Variants in VPS53 observed in about 807,000 individuals in gnomAD.
The protein encoded by VPS53 is VPS53 subunit of GARP complex.
In VPS53, 70 loss-of-function variants were observed where a neutral mutation model predicts 107.0. The observed-to-expected ratio is 0.65, with a 90% CI of 0.54 to 0.80. The LOEUF (loss-of-function observed/expected upper bound fraction) is 0.80, where lower values mean the gene tolerates loss of function less well. Ranked by LOEUF, VPS53 falls within the 30% of genes least tolerant of loss-of-function variation. VPS53 has a pLI of 0.00. For synonymous variants in VPS53, 409 were observed against 393.3 expected, an observed-to-expected ratio of 1.04 and a Z score of -0.47; for missense variants, 917 against 1,049.4, an observed-to-expected ratio of 0.87 and a Z score of 1.74.
At chr17:714,455 C>T in intron 1 of VPS53, 168 bp downstream of exon 1, 1 of 627,342 alleles carries the variant, frequency 1.6e-6, no homozygotes, top group South Asian at 1.9e-5. Context: ...CTTTCCTTTC[C>T]TTCTGATTCA....
At chr17:596,273 A>G (rs1423752386) in intron 12 of VPS53, among the ~76,000 whole-genome samples, 1 of 152,202 alleles carries the variant, frequency 6.6e-6, no homozygotes, top group East Asian at 1.9e-4. Flanking sequence ...TGTTGGAGTA[A>G]GTGTGAAGAG....
rs1005372534 is a variant in VPS53 at position 519,240 on chromosome 17, G to A, written c.2387C>T (p.Ala796Val). ...MLELLRQRLP[A>V]PPSGAESSGS... is the part of the protein sequence containing the mutation. Reference sequence around the variant, plus strand: ...GGAGCTTTCTGCCCCCGAGGGCGGTGCGGGGAGCCGCTGGCGCAGGAGTTC... The same window carrying A: ...GGAGCTTTCTGCCCCCGAGGGCGGTACGGGGAGCCGCTGGCGCAGGAGTTC... Residue 796 changes from alanine (A) to valine (V), a missense_variant, in exon 22 of 22, where the codon GCA (alanine) becomes GTA (valine). Physicochemically the swap from Ala to Val is moderately conservative, Grantham distance 64. Transcript: ENST00000437048. This position sits in a 1 kb window ranked among gnomAD's most constrained non-coding sequence, Gnocchi z 5.0. 2 of 1,545,062 alleles carry A rather than the reference G, an allele frequency of 1.3e-6. No individual in the cohort carries two copies. Among genetic ancestry groups the A allele is most frequent in the Non-Finnish European group, 1.7e-6 (2 of 1,144,544 alleles).
intron 12 of VPS53, among the ~76,000 whole-genome samples, chr17:600,307 G>GCTCTGC (rs1968269338): frequency 6.6e-6 from 1 of 152,206 alleles, no homozygotes; most frequent in Non-Finnish European, 1.5e-5. Flanking sequence ...GCATTCGTGA[G>GCTCTGC]ACATCAGGGC....
intron 4 of VPS53, among the ~76,000 whole-genome samples, chr17:678,487 TAC>T (rs1972252217): frequency 6.6e-6 from 1 of 151,662 alleles, no homozygotes; most frequent in South Asian, 2.1e-4. Context: ...TTTTTTTTGA[TAC>T]AGAGTCTCGC....
chr17:524,673 G>A lies in VPS53; in HGVS notation c.2086-2935C>T, dbSNP rs62053126. 6.9e-3 allele frequency among the ~76,000 whole-genome samples: 1,045 copies of A among 152,326 alleles called. 5 individuals are homozygous for A. The highest frequency in any genetic ancestry group is 9.9e-3 in the Non-Finnish European group (671 of 68,026). The stretch of plus-strand genomic sequence containing the variant: ...GGAAATGCAAATTAAAACCACAGAT[G>A]TACACCATAATACATCCATCAGAGT... On this transcript the variant is annotated intron_variant, in intron 19 of 21. Coordinates refer to ENST00000437048, the MANE Select transcript of VPS53 (RefSeq NM_001128159.3). The surrounding 1 kb of genome is among the most constrained non-coding windows in gnomAD (Gnocchi z 4.5).
At chr17:685,644 G>A (rs542018847) in intron 4 of VPS53, among the ~76,000 whole-genome samples, 61 of 152,128 alleles carry the variant, frequency 4.0e-4, no homozygotes, top group African/African-American at 9.4e-4. Context: ...TTCAACTTAC[G>A]ATGGGTTTAT....
At chr17:709,501 T>C (rs541065539) in intron 2 of VPS53, among the ~76,000 whole-genome samples, 2 of 152,318 alleles carry the variant, frequency 1.3e-5, no homozygotes, top group East Asian at 3.9e-4. Context: ...TGATTTTCCT[T>C]GGAAGAACTG....
chr17:618,476 G>A (rs531036864), intron 11 of VPS53, among the ~76,000 whole-genome samples: 16 of 149,480 alleles, frequency 1.1e-4, no homozygotes, highest in Non-Finnish European at 1.9e-4. Flanking sequence ...AATATTTCCC[G>A]GGTAGCTGGG....
chr17:672,010 G>A (rs1017262333), intron 4 of VPS53, among the ~76,000 whole-genome samples: 10 of 151,670 alleles, frequency 6.6e-5, no homozygotes, highest in East Asian at 5.8e-4. Flanking sequence ...TTTGTCTTTC[G>A]CGGGTGGTAG....
intron 17 of VPS53, among the ~76,000 whole-genome samples, chr17:547,672 C>G (rs1267829403): frequency 6.6e-6 from 1 of 152,172 alleles, no homozygotes; most frequent in Non-Finnish European, 1.5e-5. Context: ...GAGTCTCACT[C>G]TGTCACCCAG....
intron 15 of VPS53, 112 bp from the exon 16 acceptor site, chr17:553,574 C>CT (rs35437010): frequency 0.067 from 36,552 of 542,152 alleles, 1 homozygote; most frequent in East Asian, 0.081. Context: ...ATTCCATACA[C>CT]TTTTTTTTTT....
chr17:679,289 G>A (rs962536712), intron 4 of VPS53, among the ~76,000 whole-genome samples: 3 of 152,016 alleles, frequency 2.0e-5, no homozygotes, highest in Admixed American at 6.6e-5. Context: ...GCCGAGGCGC[G>A]CAGATCACGA....
At chr17:706,636 CTG>C (rs893043049) in intron 2 of VPS53, among the ~76,000 whole-genome samples, 2 of 152,076 alleles carry the variant, frequency 1.3e-5, no homozygotes, top group African/African-American at 2.4e-5. Context: ...ACTATGAAGT[CTG>C]TGTTGGTAGA....
rs956833122 is a variant in VPS53, at chr17:520,431, A to G, written c.2224-501T>C. 2.6e-5 allele frequency among the ~76,000 whole-genome samples: 4 copies of G among 152,194 alleles called. No individual in the cohort carries two copies. Among genetic ancestry groups the G allele is most frequent in the Admixed American group, 1.3e-4 (2 of 15,276 alleles). ...AATGGGTGGCAAAAGGAGCTGGTAT[A>G]AGTAAGTGGATTTCTGCAAAAACAA... On this transcript the variant is annotated intron_variant, in intron 20 of 21. Transcript: ENST00000437048. This position sits in a 1 kb window ranked among gnomAD's most constrained non-coding sequence, Gnocchi z 4.4.
intron 11 of VPS53, among the ~76,000 whole-genome samples, chr17:612,380 G>A (rs1329112928): frequency 4.8e-5 from 5 of 103,348 alleles, no homozygotes; most frequent in Admixed American, 1.9e-4. Context: ...GTGAAAACCT[G>A]TACAGATATT....
At chr17:573,069 T>C (rs914713024) in intron 13 of VPS53, among the ~76,000 whole-genome samples, 1 of 152,142 alleles carries the variant, frequency 6.6e-6, no homozygotes, top group Non-Finnish European at 1.5e-5. Context: ...ACAATGGTAA[T>C]TAGTTTACAG....
In VPS53 at chr17:596,244, T is replaced by C. The variant is rs187599809; in HGVS notation, c.1218+5551A>G. Among the ~76,000 whole-genome samples the C allele has an allele frequency of 9.8e-5, 15 of 152,356 alleles. No individual in the cohort carries two copies. In the East Asian group the frequency reaches 2.7e-3, roughly 27 times the overall value. On this transcript the variant is annotated intron_variant, in intron 12 of 21. Transcript: ENST00000437048. ...TTTTTATGTATGCACAAAAGTGATA[T>C]ATGATTTGAAAGAAACTATGTTGGA...
At chr17:577,834 C>T (rs1175550608) in intron 13 of VPS53, among the ~76,000 whole-genome samples, 2 of 151,732 alleles carry the variant, frequency 1.3e-5, no homozygotes, top group Non-Finnish European at 2.9e-5. Flanking sequence ...AGAGAACCTC[C>T]CTCAGAATCT....
At chr17:681,900 T>C (rs910157245) in intron 4 of VPS53, among the ~76,000 whole-genome samples, 2 of 152,186 alleles carry the variant, frequency 1.3e-5, no homozygotes, top group Non-Finnish European at 2.9e-5. Flanking sequence ...AGACCCCTTG[T>C]GACTCAGTCA....
Sources: gnomAD v4.1 joint callset for allele counts (sites outside exome capture counted in the v4.1 genomes callset) on GRCh38, gnomAD v4.1.1 for gene constraint, Gnocchi (gnomAD v3.1) non-coding constraint, MANE v1.5 for transcripts, NCBI Gene and HGNC (gene_info 2026-07-23, HGNC 2026-07-21) for gene names.